Variants in KANK4 observed in about 807,000 individuals in gnomAD.
The protein encoded by KANK4 is KN motif and ankyrin repeat domain-containing protein 4.
KANK4 carries 50 observed loss-of-function variants against 80.8 expected under a neutral mutation model. The observed-to-expected ratio is 0.62, with a 90% confidence interval of 0.49 to 0.78. The LOEUF (loss-of-function observed/expected upper bound fraction) is 0.78. Among genes scored for constraint, KANK4 ranks in the 30% least tolerant of loss-of-function variants. KANK4 has a pLI of 0.00. For missense variants in KANK4, 1,196 were observed against 1,240.1 expected (o/e 0.96, Z 0.53); for synonymous variants, 465 against 506.9 (o/e 0.92, Z 1.11).
At chr1:62,296,531 A>G (rs1465760236) in intron 1 of KANK4, among the ~76,000 whole-genome samples, 3 of 152,074 alleles carry the variant, frequency 2.0e-5, no homozygotes, top group African/African-American at 7.2e-5. Context: ...CACAGAAATT[A>G]TTTTTGGTGG....
Position 62,236,204 on chromosome 1 carries a change from G to T in KANK4, c.*2073C>A, listed in dbSNP as rs972914637. Among the ~76,000 whole-genome samples the T allele has an allele frequency of 5.9e-5, 9 of 152,106 alleles. No homozygotes were observed. Among genetic ancestry groups the T allele is most frequent in the African/African-American group, 2.2e-4 (9 of 41,420 alleles). ...TTAATATAACAAACAATAAGGATAGGCCAGAGGCTTGCTACTCAAAGTGTG... is the reference window on the plus strand; with the variant it reads ...TTAATATAACAAACAATAAGGATAGTCCAGAGGCTTGCTACTCAAAGTGTG... On this transcript the variant is annotated 3_prime_UTR_variant, in exon 10 of 10. Coordinates refer to ENST00000371153, the MANE Select transcript of KANK4 (RefSeq NM_181712.5).
chr1:62,261,568 C>T (rs1334320090), intron 7 of KANK4, among the ~76,000 whole-genome samples: 2 of 152,082 alleles, frequency 1.3e-5, no homozygotes, highest in African/African-American at 4.8e-5. Context: ...GCCACCTCCT[C>T]TCCTGCTCCC....
At chr1:62,238,629 G>GGT in intron 9 of KANK4, among the ~76,000 whole-genome samples, 1 of 139,196 alleles carries the variant, frequency 7.2e-6, no homozygotes, top group Admixed American at 7.4e-5. Context: ...AGTTTTTAAT[G>GGT]CTCTTTTTTT....
Position 62,280,133 on chromosome 1 carries a change from G to C in KANK4, c.16+1416C>G, listed in dbSNP as rs577678273. Among the ~76,000 whole-genome samples the C allele has an allele frequency of 2.0e-5, 3 of 152,282 alleles. No homozygotes were observed. The East Asian group carries it at 5.8e-4, about 29-fold the overall frequency. On this transcript the variant is annotated intron_variant, in intron 2 of 9. Transcript: ENST00000371153. Reference sequence around the variant, plus strand: ...CTATATTCAGTCTCTGAAGTAAATGGGGAAAAACAGAAACTAGAGAGAAAG... The same window carrying C: ...CTATATTCAGTCTCTGAAGTAAATGCGGAAAAACAGAAACTAGAGAGAAAG...
At position 62,237,553 on chromosome 1, in the gene KANK4, C is replaced by T. The variant is rs1338823407; in HGVS notation, c.*724G>A. 6.6e-6 allele frequency: 1 copy of T among 152,072 alleles called. No individual in the cohort carries two copies. Among genetic ancestry groups the T allele is most frequent in the Non-Finnish European group, 1.5e-5 (1 of 68,030 alleles). 9.4% of individuals were successfully genotyped at this position (152,072 alleles called of 1,614,324 possible). ...TTTCTTTTTTTTCTTTATTACATAGCAACTTACTAGATAATAAATTTCTTA... is the reference window on the plus strand; with the variant it reads ...TTTCTTTTTTTTCTTTATTACATAGTAACTTACTAGATAATAAATTTCTTA... On this transcript the variant is annotated 3_prime_UTR_variant, in exon 10 of 10. Coordinates refer to ENST00000371153, the MANE Select transcript of KANK4 (RefSeq NM_181712.5).
At chr1:62,289,492 A>C (rs907260070) in intron 1 of KANK4, among the ~76,000 whole-genome samples, 3 of 152,072 alleles carry the variant, frequency 2.0e-5, no homozygotes, top group South Asian at 2.1e-4. Flanking sequence ...CAAGAGAGGA[A>C]CTTCAGGCCG....
At chr1:62,302,956 A>G (rs1035750841) in intron 1 of KANK4, among the ~76,000 whole-genome samples, 1 of 152,066 alleles carries the variant, frequency 6.6e-6, no homozygotes, top group Non-Finnish European at 1.5e-5. Context: ...GTGGGAAGAG[A>G]AGGCTTTCAA....
chr1:62,296,181 A>G (rs1644361976), intron 1 of KANK4, among the ~76,000 whole-genome samples: 1 of 152,224 alleles, frequency 6.6e-6, no homozygotes. Context: ...GCACGAAGCA[A>G]AAGTCTTAAA....
chr1:62,239,271 T>G (rs1671283243), intron 9 of KANK4, among the ~76,000 whole-genome samples: 1 of 152,204 alleles, frequency 6.6e-6, no homozygotes, highest in Non-Finnish European at 1.5e-5. Context: ...TTGAATTTGC[T>G]TTTATTCTTA....
In KANK4 at chr1:62,319,321, C is replaced by T. The variant is rs1644571776; in HGVS notation, c.-286G>A. The T allele has an allele frequency of 6.6e-6, 1 of 151,966 alleles. No homozygotes were observed. Among genetic ancestry groups the T allele is most frequent in the Non-Finnish European group, 1.5e-5 (1 of 67,986 alleles). The allele number at this position is 151,966 out of a possible 1,614,324, so 9.4% of individuals were successfully genotyped here. On this transcript the variant is annotated 5_prime_UTR_variant, in exon 1 of 10. Transcript: ENST00000371153. ...GGTCTCGGCCCTGGCCCCGGCGCAC[C>T]CCTGCGGGCACACCCACCGCGGCGG...
chr1:62,278,321 C>CT (rs1461586821), intron 2 of KANK4, among the ~76,000 whole-genome samples: 278 of 12,040 alleles, frequency 0.023, 51 homozygotes, highest in African/African-American at 0.18. Flanking sequence ...CATTTTCTTT[C>CT]TTCCTTCCTT....
chr1:62,311,718 T>C (rs1393955385), intron 1 of KANK4, among the ~76,000 whole-genome samples: 1 of 152,192 alleles, frequency 6.6e-6, no homozygotes, highest in Non-Finnish European at 1.5e-5. Flanking sequence ...AACCAAGCAA[T>C]CAGCTCAGGG....
At position 62,258,755 on chromosome 1, in the gene KANK4, C is replaced by T. The variant is rs113029448; in HGVS notation, c.2539+4337G>A. 8.5e-5 allele frequency among the ~76,000 whole-genome samples: 13 copies of T among 152,192 alleles called. 1 individual carries two copies. Among genetic ancestry groups the T allele is most frequent in the African/African-American group, 3.1e-4 (13 of 41,512 alleles). On this transcript the variant is annotated intron_variant, in intron 7 of 9. Coordinates refer to ENST00000371153, the MANE Select transcript of KANK4 (RefSeq NM_181712.5). ...CATTCTGTTGGGTAGAAATGAAAAG[C>T]AAAGAGTGTCTCAAGAAAGAAAGAG...
At chr1:62,315,981 GTGAATTCC>G (rs1644535537) in intron 1 of KANK4, among the ~76,000 whole-genome samples, 1 of 152,200 alleles carries the variant, frequency 6.6e-6, no homozygotes. Flanking sequence ...CAAAGAATGG[GTGAATTCC>G]TGAATCAATG....
intron 1 of KANK4, among the ~76,000 whole-genome samples, chr1:62,306,571 C>T (rs7528920): frequency 0.79 from 120,768 of 152,026 alleles, 48,254 homozygotes; most frequent in East Asian, 0.88. Flanking sequence ...TATGCTTCTA[C>T]ATTATTTTAT....
chr1:62,318,771 C>G (rs868475311), intron 1 of KANK4, among the ~76,000 whole-genome samples: 48 of 152,362 alleles, frequency 3.2e-4, no homozygotes, highest in Middle Eastern at 3.4e-3. Context: ...CGGCCTCCCC[C>G]TCCTCACCAG....
chr1:62,237,910 G>A lies in KANK4; in HGVS notation c.*367C>T, dbSNP rs1052043677. 2 of 174,736 alleles carry A rather than the reference G, an allele frequency of 1.1e-5. No homozygotes were observed. The highest frequency in any genetic ancestry group is 6.1e-5 in the Admixed American group (1 of 16,470). 10.8% of individuals were successfully genotyped at this position (174,736 alleles called of 1,614,324 possible). On this transcript the variant is annotated 3_prime_UTR_variant, in exon 10 of 10. Transcript: ENST00000371153. ...TGCACTGTAAAATTCCATGTAAAAA[G>A]TATTGCTTTTCTAATGTGCTAATGT...
At chr1:62,278,324 C>CTTT (rs1557493276) in intron 2 of KANK4, among the ~76,000 whole-genome samples, 218 of 19,138 alleles carry the variant, frequency 0.011, 42 homozygotes, top group African/African-American at 0.081. Flanking sequence ...TTTCTTTCTT[C>CTTT]CTTCCTTCCT....
chr1:62,243,414 C>T (rs571392691), intron 9 of KANK4, among the ~76,000 whole-genome samples: 3 of 151,818 alleles, frequency 2.0e-5, no homozygotes, highest in African/African-American at 7.2e-5. Context: ...TCTCAGCTCA[C>T]TGCAACCTCC....
Sources: allele counts gnomAD v4.1 joint callset (sites outside exome capture counted in the v4.1 genomes callset), GRCh38; gene constraint gnomAD v4.1.1; transcripts MANE v1.5; gene names NCBI Gene and HGNC (gene_info 2026-07-23, HGNC 2026-07-21).